VRK2: variants seen among roughly 807,000 people sequenced by gnomAD.
The protein encoded by VRK2 is serine/threonine-protein kinase VRK2.
VRK2 carries 60 observed loss-of-function variants against 57.6 expected under a neutral mutation model. That is an observed-to-expected ratio of 1.04 (90% confidence interval 0.85 to 1.29). The LOEUF (loss-of-function observed/expected upper bound fraction) is 1.29, where lower values mean the gene tolerates loss of function less well. Ranked by LOEUF, VRK2 falls within the 50% of genes most tolerant of loss-of-function variation. VRK2 has a pLI of 0.00. For synonymous variants in VRK2, 231 were observed against 199.2 expected, an observed-to-expected ratio of 1.16 and a Z score of -1.35; for missense variants, 705 against 588.1, an observed-to-expected ratio of 1.20 and a Z score of -2.06.
chr2:58,136,638 C>T (rs1258749600), intron 10 of VRK2, among the ~76,000 whole-genome samples: 1 of 151,476 alleles, frequency 6.6e-6, no homozygotes, highest in Non-Finnish European at 1.5e-5. Context: ...CCCCACCTTG[C>T]CCTCCCAAAG....
intron 7 of VRK2, among the ~76,000 whole-genome samples, chr2:58,109,107 G>T (rs1398686761): frequency 6.6e-6 from 1 of 151,884 alleles, no homozygotes; most frequent in Non-Finnish European, 1.5e-5. Flanking sequence ...TATCTGTTAA[G>T]CTTGGCACTC....
intron 1 of VRK2, among the ~76,000 whole-genome samples, chr2:57,947,364 C>T (rs941011558): frequency 6.6e-6 from 1 of 152,000 alleles, no homozygotes; most frequent in Non-Finnish European, 1.5e-5. Flanking sequence ...TTTAAATTTA[C>T]ACATGCACAT....
intron 1 of VRK2, among the ~76,000 whole-genome samples, chr2:57,987,097 GA>G (rs1672620253): frequency 6.6e-6 from 1 of 151,650 alleles, no homozygotes; most frequent in Admixed American, 6.6e-5. Context: ...TGAAACCAGA[GA>G]AAACATCCAT....
chr2:58,134,174 C>T (rs554009044), intron 9 of VRK2, among the ~76,000 whole-genome samples: 1 of 152,180 alleles, frequency 6.6e-6, no homozygotes, highest in South Asian at 2.1e-4. Context: ...ATTCCTCTTC[C>T]CCAAAGCGGG....
At chr2:58,048,602 G>GT (rs1028502055) in intron 1 of VRK2, 33 of 1,465,300 alleles carry the variant, frequency 2.3e-5, no homozygotes, top group Non-Finnish European at 2.9e-5. Context: ...GTTTGCTTCT[G>GT]TTTTTTTAAA....
chr2:58,031,634 T>C (rs1223842828), intron 2 of VRK2, among the ~76,000 whole-genome samples: 1 of 152,092 alleles, frequency 6.6e-6, no homozygotes, highest in Non-Finnish European at 1.5e-5. Context: ...ACAATCCAAA[T>C]GATAGCTTAT....
At chr2:57,968,332 G>A (rs1299342957) in intron 1 of VRK2, among the ~76,000 whole-genome samples, 2 of 152,016 alleles carry the variant, frequency 1.3e-5, no homozygotes, top group Non-Finnish European at 2.9e-5. Context: ...TAATCAAGGT[G>A]CAGAAAAAAG....
chr2:58,096,899 G>T (rs1039233899), intron 7 of VRK2, among the ~76,000 whole-genome samples: 1 of 151,470 alleles, frequency 6.6e-6, no homozygotes, highest in Non-Finnish European at 1.5e-5. Flanking sequence ...TTATTCTTTG[G>T]AAAGTTTGTA....
At chr2:57,932,780 A>C (rs1408725044) in intron 1 of VRK2, among the ~76,000 whole-genome samples, 7 of 151,834 alleles carry the variant, frequency 4.6e-5, no homozygotes, top group Non-Finnish European at 1.0e-4. Context: ...TGTAAACTGA[A>C]GTTTTTATTT....
At chr2:58,122,790 A>T (rs1180631409) in intron 7 of VRK2, among the ~76,000 whole-genome samples, 1 of 152,338 alleles carries the variant, frequency 6.6e-6, no homozygotes, top group African/African-American at 2.4e-5. Context: ...GAATACAGAT[A>T]AAAAGACATA....
At chr2:57,929,043 A>T (rs772975335) in intron 1 of VRK2, among the ~76,000 whole-genome samples, 1 of 152,132 alleles carries the variant, frequency 6.6e-6, no homozygotes, top group Admixed American at 6.6e-5. Flanking sequence ...AAGGCCCACA[A>T]TAACCACTGC....
intron 7 of VRK2, among the ~76,000 whole-genome samples, chr2:58,110,562 T>C (rs2104407531): frequency 6.6e-6 from 1 of 152,314 alleles, no homozygotes; most frequent in East Asian, 1.9e-4. Context: ...ACAGTACTTT[T>C]TTGTTTCTCC....
chr2:57,925,735 T>C (rs1224817750), intron 1 of VRK2, among the ~76,000 whole-genome samples: 2 of 151,868 alleles, frequency 1.3e-5, no homozygotes, highest in African/African-American at 4.8e-5. Flanking sequence ...TTATTTATTT[T>C]TCTCTAATCT....
intron 2 of VRK2, among the ~76,000 whole-genome samples, chr2:58,056,685 G>A (rs929946734): frequency 4.6e-5 from 7 of 152,128 alleles, no homozygotes; most frequent in Admixed American, 1.3e-4. Context: ...TCCAGGGTTG[G>A]ACTGGTTAAT....
intron 1 of VRK2, among the ~76,000 whole-genome samples, chr2:57,948,410 C>T (rs1671325880): frequency 6.6e-6 from 1 of 152,136 alleles, no homozygotes; most frequent in African/African-American, 2.4e-5. Flanking sequence ...ATTTCCATTT[C>T]TGTTTATCTT....
intron 1 of VRK2, among the ~76,000 whole-genome samples, chr2:58,021,859 A>C (rs965083149): frequency 2.6e-5 from 4 of 152,214 alleles, no homozygotes; most frequent in Non-Finnish European, 5.9e-5. Context: ...GAAATTGTTC[A>C]AGTTCCAATG....
intron 2 of VRK2, among the ~76,000 whole-genome samples, chr2:58,054,330 A>G (rs1056677206): frequency 2.6e-5 from 4 of 151,556 alleles, no homozygotes; most frequent in African/African-American, 9.7e-5. Context: ...CAGTGCATTT[A>G]TATATTATGT....
chr2:57,933,364 G>C (rs1247984951), intron 1 of VRK2, among the ~76,000 whole-genome samples: 1 of 124,920 alleles, frequency 8.0e-6, no homozygotes, highest in Non-Finnish European at 1.6e-5. Context: ...CCAGGCTGGA[G>C]TGCAGTGGTG....
chr2:57,987,803 T>C (rs1176749298), intron 1 of VRK2, among the ~76,000 whole-genome samples: 2 of 152,172 alleles, frequency 1.3e-5, no homozygotes, highest in Non-Finnish European at 2.9e-5. Context: ...TTCAATAAAA[T>C]ACTGCTCAAT....
Sources: gnomAD v4.1 joint callset for allele counts (sites outside exome capture counted in the v4.1 genomes callset) on GRCh38, gnomAD v4.1.1 for gene constraint, MANE v1.5 for transcripts, NCBI Gene and HGNC (gene_info 2026-07-23, HGNC 2026-07-21) for gene names.